The following COL12A1 variants were observed in gnomAD, a reference collection of about 807,000 sequenced individuals.
The protein encoded by COL12A1 is collagen type XII alpha 1 chain.
A neutral mutation model predicts 349.7 loss-of-function variants in COL12A1; 114 were observed. That is an observed-to-expected ratio of 0.33 (90% CI 0.28 to 0.38). The LOEUF (loss-of-function observed/expected upper bound fraction) is 0.38. COL12A1 is among the 10% of genes least tolerant of loss of function. The pLI is 1.00. For missense variants in COL12A1, 3,284 were observed against 3,756.9 expected (o/e 0.87, Z 3.29); for synonymous variants, 1,369 against 1,329.0 (o/e 1.03, Z -0.66).
At position 75,133,339 on chromosome 6, in the gene COL12A1, A is replaced by G; in HGVS notation, c.5748T>C (p.Val1916=). 1 of 1,611,896 alleles carries G rather than the reference A, an allele frequency of 6.2e-7. No homozygotes were observed. The highest frequency in any genetic ancestry group is 1.1e-5 in the South Asian group (1 of 90,302). ...TGCGTCCCCCATCACCTTCAGTATA[A>G]ACGGGAACTACAGTCACAGTGTATG... ...DTSYTVTVVP[V]YTEGDGGRTS... The change falls in exon 34 of 66, where the codon GTT becomes GTC. Residue 1916 remains valine, a synonymous_variant. Transcript: ENST00000322507.
At chr6:75,189,470 A>T in intron 6 of COL12A1, 82 bp downstream of exon 6, 1 of 1,570,570 alleles carries the variant, frequency 6.4e-7, no homozygotes, top group South Asian at 1.2e-5. Context: ...AAAATATTTA[A>T]TATGTAATAG....
chr6:75,204,037 T>G (rs375245710), intron 1 of COL12A1, among the ~76,000 whole-genome samples: 71 of 152,358 alleles, frequency 4.7e-4, no homozygotes, highest in African/African-American at 1.6e-3. Flanking sequence ...TCAGCCTGTG[T>G]GTAAATTGCA....
intron 34 of COL12A1, 92 bp downstream of exon 34, chr6:75,133,201 C>G (rs1766397212): frequency 1.7e-6 from 2 of 1,182,760 alleles, no homozygotes; most frequent in African/African-American, 3.1e-5. Flanking sequence ...TCACACCAAA[C>G]TTTCCTAATT....
intron 38 of COL12A1, 46 bp from the exon 39 acceptor site, chr6:75,126,516 C>G (rs778916168): frequency 6.4e-7 from 1 of 1,566,948 alleles, no homozygotes; most frequent in Admixed American, 1.7e-5. Flanking sequence ...TATTGGCACA[C>G]AGGGAGAGCA....
intron 51 of COL12A1, among the ~76,000 whole-genome samples, chr6:75,112,053 T>C (rs1008046835): frequency 6.6e-6 from 1 of 151,860 alleles, no homozygotes; most frequent in African/African-American, 2.4e-5. Context: ...CTGTCTTTTA[T>C]GTATAAGGGC....
intron 15 of COL12A1, among the ~76,000 whole-genome samples, 196 bp downstream of exon 15, chr6:75,156,061 G>A (rs1767744997): frequency 6.6e-6 from 1 of 152,084 alleles, no homozygotes; most frequent in Non-Finnish European, 1.5e-5. Context: ...ATTTGCATAA[G>A]AACATTAATA....
At chr6:75,133,512 A>C in intron 33 of COL12A1, 90 bp from the exon 34 acceptor site, 1 of 1,280,770 alleles carries the variant, frequency 7.8e-7, no homozygotes, top group African/African-American at 1.5e-5. Context: ...CTCAAGACCA[A>C]GTCAAGAAGT....
At position 75,143,400 on chromosome 6, in the gene COL12A1, C is replaced by T. The variant is rs146472530; in HGVS notation, c.4691-12G>A. On this transcript the variant is annotated splice_polypyrimidine_tract_variant and intron_variant, in intron 25 of 65. Coordinates refer to ENST00000322507, the MANE Select transcript of COL12A1 (RefSeq NM_004370.6). ...TCTGGGTAAAGGCACTAGAGAAGCA[C>T]GAGATATTAAATCCAGATGTGCTTC... is the stretch of plus-strand genomic sequence containing the variant. The T allele has an allele frequency of 4.8e-4, 768 of 1,611,008 alleles. 2 individuals are homozygous for T. The African/African-American group carries it at 7.2e-3, about 15-fold the overall frequency.
In COL12A1 at chr6:75,148,409, C is replaced by T. The variant is rs749259796; in HGVS notation, c.4236G>A (p.Val1412=). ...GATAGTATTCCACCTTATATCGATC[C>T]ACACTGTCAGAAGGTGGTGTCCAGC... ...RVSWTPPSDS[V]DRYKVEYYPV... is the part of the protein sequence containing the mutation. The change falls in exon 22 of 66, where the codon GTG becomes GTA. Residue 1412 remains valine, a synonymous_variant. Coordinates refer to ENST00000322507, the MANE Select transcript of COL12A1 (RefSeq NM_004370.6). The T allele has an allele frequency of 6.2e-7, 1 of 1,612,724 alleles. No individual in the cohort carries two copies. Among genetic ancestry groups the T allele is most frequent in the East Asian group, 2.2e-5 (1 of 44,800 alleles).
intron 23 of COL12A1, 33 bp downstream of exon 23, chr6:75,147,642 A>G (rs748222419): frequency 6.4e-7 from 1 of 1,570,116 alleles, no homozygotes; most frequent in Non-Finnish European, 8.6e-7. Context: ...TGGAAAAGAA[A>G]GCAATGAGAA....
chr6:75,201,806 A>G (rs549830914), intron 2 of COL12A1, among the ~76,000 whole-genome samples: 23 of 152,288 alleles, frequency 1.5e-4, no homozygotes, highest in Non-Finnish European at 2.1e-4. Flanking sequence ...GCACACAACA[A>G]ATAAAATTGG....
At chr6:75,110,347 T>C (rs1768772988) in intron 51 of COL12A1, among the ~76,000 whole-genome samples, 1 of 152,080 alleles carries the variant, frequency 6.6e-6, no homozygotes, top group Admixed American at 6.6e-5. Context: ...CCAGGAACAC[T>C]TGTCATTGAA....
At chr6:75,146,065 G>C (rs1767176640) in intron 24 of COL12A1, 37 bp downstream of exon 24, 9 of 1,552,374 alleles carry the variant, frequency 5.8e-6, no homozygotes, top group Non-Finnish European at 6.9e-6. Context: ...ATAAAGTCTT[G>C]GGAAGACCCA....
At chr6:75,107,647 C>T (rs1221465146) in intron 52 of COL12A1, among the ~76,000 whole-genome samples, 5 of 152,194 alleles carry the variant, frequency 3.3e-5, no homozygotes, top group Non-Finnish European at 7.3e-5. Context: ...TTCACTTATT[C>T]TACAATTGAT....
chr6:75,149,456 CAT>C (rs1270120430), intron 21 of COL12A1, among the ~76,000 whole-genome samples: 4 of 152,042 alleles, frequency 2.6e-5, no homozygotes, highest in Non-Finnish European at 4.4e-5. Flanking sequence ...CAAAGAAACA[CAT>C]GTTTTTCAAT....
In COL12A1 at chr6:75,189,797, C is replaced by T. The variant is rs1769832804; in HGVS notation, c.413G>A (p.Trp138Ter). The T allele has an allele frequency of 6.2e-7, 1 of 1,612,292 alleles. No homozygotes were observed. The highest frequency in any genetic ancestry group is 1.7e-5 in the Admixed American group (1 of 59,818). Residue 138 changes from tryptophan to a stop codon, truncating the protein, a stop_gained, in exon 6 of 66, where the codon TGG becomes TAG. Coordinates refer to ENST00000322507, the MANE Select transcript of COL12A1 (RefSeq NM_004370.6). LOFTEE classifies it high-confidence loss of function. ...ATCCACGAGGAAAACCAAATCAGTC[C>T]AGGCACTGACAGAGCATTCTGAAAT... ...TEIQKCSVSA[W>*]TDLVFLVDGS...
rs574510224 is a variant in COL12A1, at chr6:75,132,223, A to C, written c.5795-141T>G. ...CTTCTAATTACCTACACACAAAGGC[A>C]GATTAAAACTCTCCAAACCCAAATT... On this transcript the variant is annotated intron_variant, in intron 34 of 65. Coordinates refer to ENST00000322507, the MANE Select transcript of COL12A1 (RefSeq NM_004370.6). The C allele has an allele frequency of 4.5e-6, 5 of 1,121,510 alleles. No individual in the cohort carries two copies. The East Asian group carries it at 1.2e-4, about 28-fold the overall frequency. The allele number at this position is 1,121,510 out of a possible 1,614,324, so 69.5% of individuals were successfully genotyped here.
chr6:75,182,593 G>A (rs1769373702), intron 10 of COL12A1, among the ~76,000 whole-genome samples: 1 of 152,144 alleles, frequency 6.6e-6, no homozygotes, highest in South Asian at 2.1e-4. Context: ...GACAAATGAG[G>A]AAAATTCCAG....
chr6:75,152,286 G>A (rs1383554860), intron 18 of COL12A1, 36 bp from the exon 19 acceptor site: 4 of 1,613,420 alleles, frequency 2.5e-6, no homozygotes, highest in Non-Finnish European at 2.5e-6. Flanking sequence ...GCATGTGAAA[G>A]AGAAAGATAA....
Sources: allele counts gnomAD v4.1 joint callset (sites outside exome capture counted in the v4.1 genomes callset), GRCh38; gene constraint gnomAD v4.1.1; transcripts MANE v1.5; gene names NCBI Gene and HGNC (gene_info 2026-07-23, HGNC 2026-07-21).